DPM1: variants seen among roughly 807,000 people sequenced by gnomAD.
The protein encoded by DPM1 is dolichol-phosphate mannosyltransferase subunit 1.
DPM1 carries 27 observed loss-of-function variants against 39.0 expected under a neutral mutation model. The observed-to-expected ratio is 0.69, with a 90% confidence interval of 0.51 to 0.95. The LOEUF (loss-of-function observed/expected upper bound fraction) is 0.95, where lower values mean the gene tolerates loss of function less well. Among genes scored for constraint, DPM1 ranks in the 40% least tolerant of loss-of-function variants. DPM1 has a pLI of 0.00. For synonymous variants in DPM1, 124 were observed against 109.0 expected, an observed-to-expected ratio of 1.14 and a Z score of -0.86; for missense variants, 307 against 315.6, an observed-to-expected ratio of 0.97 and a Z score of 0.21.
Position 50,942,040 on chromosome 20 carries a change from TTTC to T in DPM1, c.482_484del (p.Arg161del). 1 of 1,613,514 alleles carries T rather than the reference TTTC, an allele frequency of 6.2e-7. No homozygotes were observed. Among genetic ancestry groups the T allele is most frequent in the Non-Finnish European group, 8.5e-7 (1 of 1,179,426 alleles). ...TAACACATGTACCTACCTGATTATTTTTCTTTTCAAATCCCAGCCATATACACC... is the reference window on the plus strand; with the variant it reads ...TAACACATGTACCTACCTGATTATTTTTTTCAAATCCCAGCCATATACACC... On this transcript the variant is annotated inframe_deletion, in exon 6 of 9. Coordinates refer to ENST00000371588, the MANE Select transcript of DPM1 (RefSeq NM_003859.3).
intron 2 of DPM1, among the ~76,000 whole-genome samples, chr20:50,950,795 G>A (rs1268820596): frequency 1.3e-5 from 2 of 152,044 alleles, no homozygotes; most frequent in Non-Finnish European, 1.5e-5. Flanking sequence ...GCTTGAACCC[G>A]GGAAGTAGAG....
At position 50,945,741 on chromosome 20, in the gene DPM1, T is replaced by C. The variant is rs1986244982; in HGVS notation, c.394A>G (p.Ile132Val). The change falls in exon 5 of 9, where the codon ATT becomes GTT. Residue 132 changes from isoleucine to valine, a missense_variant. By Grantham distance (29) the Ile-to-Val change is conservative. This residue lies in a region of DPM1 where 206 missense variants were observed against 188.2 expected (regional missense o/e 1.09). Coordinates refer to ENST00000371588, the MANE Select transcript of DPM1 (RefSeq NM_003859.3). ...SHHPKFIPEF[I>V]RKQKEGNFDI... is the part of the protein sequence containing the mutation. ...AATATTAGAAATAGTACCTACCTAA[T>C]AAATTCAGGAATAAATTTTGGCTGA... The C allele has an allele frequency of 6.4e-7, 1 of 1,572,858 alleles. No homozygotes were observed. The highest frequency in any genetic ancestry group is 8.7e-7 in the Non-Finnish European group (1 of 1,143,710).
intron 2 of DPM1, among the ~76,000 whole-genome samples, chr20:50,954,980 T>C (rs1021600313): frequency 6.6e-6 from 1 of 152,220 alleles, no homozygotes; most frequent in African/African-American, 2.4e-5. Flanking sequence ...AGCTCACTCT[T>C]TGCTGTAAAA....
intron 7 of DPM1, among the ~76,000 whole-genome samples, chr20:50,938,642 A>C (rs1985427821): frequency 6.7e-6 from 1 of 149,910 alleles, no homozygotes; most frequent in African/African-American, 2.4e-5. Flanking sequence ...GGCCTCCCCA[A>C]GTACTGGGAT....
chr20:50,946,781 G>C (rs1986310967), intron 3 of DPM1, among the ~76,000 whole-genome samples: 1 of 152,194 alleles, frequency 6.6e-6, no homozygotes, highest in South Asian at 2.1e-4. Context: ...TTGTTAAGAA[G>C]TGAATATCGG....
intron 5 of DPM1, chr20:50,944,280 G>A (rs1216964766): frequency 1.3e-5 from 2 of 152,182 alleles, no homozygotes; most frequent in Admixed American, 1.3e-4. Flanking sequence ...CAGGAAGAAC[G>A]TCTTCTTTTA....
chr20:50,949,507 C>T (rs1986468624), intron 2 of DPM1, among the ~76,000 whole-genome samples: 1 of 152,176 alleles, frequency 6.6e-6, no homozygotes, highest in African/African-American at 2.4e-5. Context: ...TGGTCAATCA[C>T]TTAGTCCTCC....
At chr20:50,943,205 T>C (rs1033068735) in intron 5 of DPM1, among the ~76,000 whole-genome samples, 6 of 152,156 alleles carry the variant, frequency 3.9e-5, no homozygotes, top group African/African-American at 1.2e-4. Flanking sequence ...CATGGAATCA[T>C]AGACATCCCT....
intron 3 of DPM1, 129 bp downstream of exon 3, chr20:50,948,500 A>T (rs569940029): frequency 4.3e-6 from 4 of 938,592 alleles, no homozygotes; most frequent in Admixed American, 3.4e-5. Flanking sequence ...TTTAAATGTC[A>T]TTAAGATCAT....
Position 50,940,895 on chromosome 20 carries a change from G to C in DPM1, c.533C>G (p.Pro178Arg). 6.2e-7 allele frequency: 1 copy of C among 1,613,822 alleles called. No homozygotes were observed. The highest frequency in any genetic ancestry group is 8.5e-7 in the Non-Finnish European group (1 of 1,179,912). ...ANFLTQILLRPGASDLTGSFR... is the reference protein window; with the variant it reads ...ANFLTQILLRRGASDLTGSFR... ...ACTTCCTGTTAAATCAGATGCTCCT[G>C]GTCTCAGCAAGATCTGAGTTAAAAA... The change falls in exon 7 of 9, where the codon CCA becomes CGA. Residue 178 changes from proline (P) to arginine (R), a missense_variant. By Grantham distance (103) the Pro-to-Arg change is moderately radical (BLOSUM62 -2). Around this residue, in one of 3 missense-constraint regions of DPM1, gnomAD observed 31 missense variants for 58.0 expected, o/e 0.53. Transcript: ENST00000371588.
At chr20:50,938,317 G>T (rs960568172) in intron 7 of DPM1, among the ~76,000 whole-genome samples, 5 of 151,826 alleles carry the variant, frequency 3.3e-5, no homozygotes, top group African/African-American at 1.2e-4. Flanking sequence ...AGCGACAAAT[G>T]AACTTTAATG....
intron 7 of DPM1, among the ~76,000 whole-genome samples, chr20:50,937,569 G>A (rs1205909617): frequency 6.6e-6 from 1 of 152,008 alleles, no homozygotes; most frequent in African/African-American, 2.4e-5. Context: ...GAAGAACTAT[G>A]ATACTGATGG....
At chr20:50,948,810 GCC>G in intron 2 of DPM1, 148 bp from the exon 3 acceptor site, 1 of 746,912 alleles carries the variant, frequency 1.3e-6, no homozygotes, top group Non-Finnish European at 2.2e-6. Flanking sequence ...ATATTTTTTT[GCC>G]AAAAGAAAAA....
chr20:50,934,993 G>C lies in DPM1; in HGVS notation c.*139C>G. ...TTATTTAATTTGAAATATAAAATAG[G>C]TGGTCTTCATAAAAAGATGCATGAA... On this transcript the variant is annotated 3_prime_UTR_variant, in exon 9 of 9. Transcript: ENST00000371588. 1 of 593,472 alleles carries C rather than the reference G, an allele frequency of 1.7e-6. No individual in the cohort carries two copies. Among genetic ancestry groups the C allele is most frequent in the Non-Finnish European group, 3.0e-6 (1 of 330,752 alleles). 36.8% of individuals were successfully genotyped at this position (593,472 alleles called of 1,614,324 possible).
chr20:50,942,985 C>G (rs1394663631), intron 5 of DPM1, among the ~76,000 whole-genome samples: 1 of 152,160 alleles, frequency 6.6e-6, no homozygotes. Context: ...TGTGACTAGC[C>G]TGGCCAACAC....
intron 2 of DPM1, among the ~76,000 whole-genome samples, chr20:50,952,467 C>G (rs1986630619): frequency 6.6e-6 from 1 of 152,152 alleles, no homozygotes; most frequent in South Asian, 2.1e-4. Context: ...CTAGGATCAA[C>G]AGTATTTGAG....
chr20:50,941,261 T>TATATATATAAATAA (rs1328756990), intron 6 of DPM1: 1 of 159,268 alleles, frequency 6.3e-6, no homozygotes, highest in African/African-American at 3.5e-5. Context: ...TATATATATA[T>TATATATATAAATAA]ATAAATAAAA....
chr20:50,954,593 T>C (rs938083382), intron 2 of DPM1, among the ~76,000 whole-genome samples: 4 of 152,174 alleles, frequency 2.6e-5, no homozygotes, highest in Non-Finnish European at 5.9e-5. Context: ...AACTCTATAT[T>C]TGCCTAAGTA....
chr20:50,951,622 CTACTAAAAA>C (rs1461441551), intron 2 of DPM1, among the ~76,000 whole-genome samples: 1 of 152,040 alleles, frequency 6.6e-6, no homozygotes, highest in Non-Finnish European at 1.5e-5. Context: ...AGCCCAGTCT[CTACTAAAAA>C]TACTAAAATT....
Sources: allele counts gnomAD v4.1 joint callset (sites outside exome capture counted in the v4.1 genomes callset), GRCh38; gene constraint gnomAD v4.1.1; regional missense constraint gnomAD v4.1.1; transcripts MANE v1.5; gene names NCBI Gene and HGNC (gene_info 2026-07-23, HGNC 2026-07-21).